The following ARL15 variants were observed in gnomAD, a reference collection of about 807,000 sequenced individuals.
ARL15 encodes the protein ARF like GTPase 15.
ARL15 carries 19 observed loss-of-function variants against 25.2 expected under a neutral mutation model. The observed-to-expected ratio is 0.75, with a 90% CI of 0.53 to 1.10. The LOEUF is 1.10. Among genes scored for constraint, ARL15 ranks in the 50% least tolerant of loss-of-function variants. ARL15 has a pLI of 0.00. For missense variants in ARL15, 220 were observed against 246.0 expected (o/e 0.89, Z 0.71); for synonymous variants, 94 against 86.8 (o/e 1.08, Z -0.46).
intron 4 of ARL15, among the ~76,000 whole-genome samples, chr5:54,111,635 T>C (rs1212057260): frequency 6.6e-6 from 1 of 152,130 alleles, no homozygotes; most frequent in Non-Finnish European, 1.5e-5. Context: ...AATAAAGTTA[T>C]CTGAAGTTAA....
chr5:54,164,323 TGAAAA>T (rs1467747074), intron 2 of ARL15, among the ~76,000 whole-genome samples: 2 of 152,058 alleles, frequency 1.3e-5, no homozygotes, highest in African/African-American at 4.8e-5. Flanking sequence ...TATGTGTACT[TGAAAA>T]GAATGTCTTC....
chr5:54,287,662 C>A (rs912265659), intron 1 of ARL15, among the ~76,000 whole-genome samples: 4 of 152,084 alleles, frequency 2.6e-5, no homozygotes, highest in African/African-American at 9.7e-5. Flanking sequence ...AAAATGCATT[C>A]ATATGAATAT....
At chr5:54,304,230 C>T (rs1473883384) in intron 1 of ARL15, among the ~76,000 whole-genome samples, 1 of 152,226 alleles carries the variant, frequency 6.6e-6, no homozygotes, top group Non-Finnish European at 1.5e-5. Flanking sequence ...AGAGGGAGGG[C>T]CCTGGGGCCA....
intron 4 of ARL15, among the ~76,000 whole-genome samples, chr5:53,916,099 G>C (rs948513816): frequency 6.6e-6 from 1 of 151,934 alleles, no homozygotes; most frequent in African/African-American, 2.4e-5. Flanking sequence ...ATTTTGTAGA[G>C]AGACTGTCTT....
intron 3 of ARL15, among the ~76,000 whole-genome samples, chr5:54,132,570 CT>C (rs941799784): frequency 6.6e-6 from 1 of 151,818 alleles, no homozygotes. Context: ...TTATATGGTA[CT>C]TTTTTTTCTT....
chr5:54,273,229 A>G (rs1219573758), intron 1 of ARL15, among the ~76,000 whole-genome samples: 1 of 152,192 alleles, frequency 6.6e-6, no homozygotes, highest in Non-Finnish European at 1.5e-5. Flanking sequence ...ACAGTCCATG[A>G]ATTTGGGGTA....
At chr5:54,063,358 A>G (rs1751124225) in intron 4 of ARL15, among the ~76,000 whole-genome samples, 2 of 152,236 alleles carry the variant, frequency 1.3e-5, no homozygotes, top group African/African-American at 4.8e-5. Context: ...AGAGAAACCA[A>G]TGAACTTCTT....
chr5:54,198,436 A>T (rs552518061), intron 1 of ARL15, among the ~76,000 whole-genome samples: 108 of 151,828 alleles, frequency 7.1e-4, no homozygotes, highest in Non-Finnish European at 8.8e-5. Flanking sequence ...CTGATAAGCA[A>T]CTTCACCAAA....
chr5:54,068,539 C>T (rs1579760941), intron 4 of ARL15, among the ~76,000 whole-genome samples: 1 of 152,172 alleles, frequency 6.6e-6, no homozygotes, highest in South Asian at 2.1e-4. Context: ...GACTGTATGA[C>T]ATAACCCTAG....
chr5:54,234,193 C>T lies in ARL15; in HGVS notation c.49-62265G>A, dbSNP rs140997769. ...TTATTTTTGTAGAGATGGGGTTTCT[C>T]CATGTTGGCCAGGTCTCGAACTCCT... On this transcript the variant is annotated intron_variant, in intron 1 of 4. Transcript: ENST00000504924. Among the ~76,000 whole-genome samples the T allele has an allele frequency of 9.2e-5, 14 of 152,088 alleles. 1 individual carries two copies. The East Asian group carries it at 2.3e-3, about 25-fold the overall frequency.
intron 1 of ARL15, among the ~76,000 whole-genome samples, chr5:54,270,395 C>T (rs936152865): frequency 3.3e-5 from 5 of 152,132 alleles, no homozygotes; most frequent in South Asian, 2.1e-4. Context: ...AAAGGGGAAG[C>T]GATAAAGGAG....
At chr5:54,200,130 T>G (rs1414220417) in intron 1 of ARL15, among the ~76,000 whole-genome samples, 1 of 107,798 alleles carries the variant, frequency 9.3e-6, no homozygotes, top group Non-Finnish European at 1.8e-5. Context: ...AACATCACAC[T>G]CTGGGGACTG....
intron 4 of ARL15, among the ~76,000 whole-genome samples, chr5:53,897,378 A>C (rs753027407): frequency 1.3e-4 from 20 of 152,232 alleles, no homozygotes; most frequent in Non-Finnish European, 2.4e-4. Context: ...TTCACTTAAC[A>C]CAATGTTTTC....
chr5:53,999,055 A>AC (rs1213540696), intron 4 of ARL15, among the ~76,000 whole-genome samples: 2 of 152,172 alleles, frequency 1.3e-5, no homozygotes, highest in African/African-American at 4.8e-5. Flanking sequence ...AGACATCAAC[A>AC]CTGAGATGCT....
At chr5:54,029,324 C>CACCACT (rs1561194991) in intron 4 of ARL15, among the ~76,000 whole-genome samples, 9 of 116,544 alleles carry the variant, frequency 7.7e-5, no homozygotes, top group Admixed American at 2.5e-4. Context: ...CCACCACCAC[C>CACCACT]ACCACCACTA....
rs576387268 is a variant in ARL15 at position 54,237,784 on chromosome 5, T to C, written c.49-65856A>G. Among the ~76,000 whole-genome samples, 4 of 152,288 alleles carry C rather than the reference T, an allele frequency of 2.6e-5. No individual in the cohort carries two copies. In the East Asian group the frequency reaches 7.7e-4, roughly 29 times the overall value. On this transcript the variant is annotated intron_variant, in intron 1 of 4. Transcript: ENST00000504924. Reference sequence around the variant, plus strand: ...GAATTTGCCAAACCTTCAAAAATAATTTTTTAGCCAAAAATGATCACTGTC... The same window carrying C: ...GAATTTGCCAAACCTTCAAAAATAACTTTTTAGCCAAAAATGATCACTGTC...
intron 1 of ARL15, among the ~76,000 whole-genome samples, chr5:54,216,157 AT>A (rs1756200816): frequency 6.6e-6 from 1 of 152,234 alleles, no homozygotes; most frequent in Non-Finnish European, 1.5e-5. Context: ...ACAGGCATAA[AT>A]GAATACTAGT....
intron 4 of ARL15, among the ~76,000 whole-genome samples, chr5:53,904,738 CTT>C (rs35684823): frequency 7.9e-5 from 10 of 126,168 alleles, no homozygotes; most frequent in Non-Finnish European, 6.4e-5. Context: ...TTTTTAGTTC[CTT>C]TTTTTTTTTT....
Position 54,267,963 on chromosome 5 carries a change from G to A in ARL15, c.48+42469C>T, listed in dbSNP as rs574790053. 1.7e-3 allele frequency among the ~76,000 whole-genome samples: 251 copies of A among 151,436 alleles called. 1 individual carries two copies. In the Middle Eastern group the frequency reaches 0.024, roughly 14 times the overall value. ...TATGTGTCTTGGAGTTGCTCTTCTC[G>A]AGGAGTATCTTTGTGGCGTTCTCTG... is the stretch of plus-strand genomic sequence containing the variant. On this transcript the variant is annotated intron_variant, in intron 1 of 4. Transcript: ENST00000504924.
Sources: gnomAD v4.1 joint callset for allele counts (sites outside exome capture counted in the v4.1 genomes callset) on GRCh38, gnomAD v4.1.1 for gene constraint, MANE v1.5 for transcripts, NCBI Gene and HGNC (gene_info 2026-07-23, HGNC 2026-07-21) for gene names.